The following DZIP1 variants were observed in gnomAD, a reference collection of about 807,000 sequenced individuals.
The protein encoded by DZIP1 is DAZ interacting zinc finger protein 1.
DZIP1 carries 97 observed loss-of-function variants against 107.6 expected under a neutral mutation model. The observed-to-expected ratio is 0.90, with a 90% CI of 0.77 to 1.07. The LOEUF (loss-of-function observed/expected upper bound fraction) is 1.07. Ranked by LOEUF, DZIP1 falls within the 50% of genes least tolerant of loss-of-function variation. The pLI is 0.00. For synonymous variants in DZIP1, 390 were observed against 386.4 expected (o/e 1.01, Z -0.11); for missense variants, 1,035 against 1,063.6 (o/e 0.97, Z 0.37).
chr13:95,595,889 G>A (rs993070706), intron 15 of DZIP1, among the ~76,000 whole-genome samples: 2 of 152,190 alleles, frequency 1.3e-5, no homozygotes, highest in Admixed American at 1.3e-4. Context: ...TAGAAGAGCT[G>A]TAAAGCCTTT....
intron 20 of DZIP1, among the ~76,000 whole-genome samples, chr13:95,586,437 CA>C (rs1175503450): frequency 1.3e-5 from 2 of 152,028 alleles, no homozygotes; most frequent in Non-Finnish European, 2.9e-5. Flanking sequence ...CGGGCTCAAG[CA>C]ATCCTCCTGC....
chr13:95,633,678 CAAAAAAAAA>C (rs567298033), intron 5 of DZIP1, among the ~76,000 whole-genome samples: 3 of 71,180 alleles, frequency 4.2e-5, no homozygotes, highest in Non-Finnish European at 5.8e-5. Flanking sequence ...GACTCCATCT[CAAAAAAAAA>C]AAAAAAAAAA....
intron 13 of DZIP1, among the ~76,000 whole-genome samples, chr13:95,607,715 A>G (rs897234415): frequency 7.2e-5 from 11 of 152,210 alleles, no homozygotes; most frequent in Admixed American, 5.2e-4. Context: ...CCTGATCTAG[A>G]TATTTTTCCA....
At chr13:95,608,754 G>A (rs908418986) in intron 13 of DZIP1, among the ~76,000 whole-genome samples, 24 of 152,020 alleles carry the variant, frequency 1.6e-4, no homozygotes, top group African/African-American at 4.8e-4. Flanking sequence ...TCCAAAACAC[G>A]CTCAAGAACG....
rs1227188352 is a variant in DZIP1 at position 95,579,436 on chromosome 13, A to G, written c.*2798T>C. Reference sequence around the variant, plus strand: ...CTCACAGCCATCCTAGGAGATACATATTGTTTTCATCCTGCATTTACAGAA... The same window carrying G: ...CTCACAGCCATCCTAGGAGATACATGTTGTTTTCATCCTGCATTTACAGAA... On this transcript the variant is annotated 3_prime_UTR_variant, in exon 23 of 23. Transcript: ENST00000376829. 6.6e-6 allele frequency: 1 copy of G among 152,226 alleles called. No individual in the cohort carries two copies. Among genetic ancestry groups the G allele is most frequent in the Admixed American group, 6.5e-5 (1 of 15,272 alleles). The allele number at this position is 152,226 out of a possible 1,614,324, so 9.4% of individuals were successfully genotyped here.
intron 15 of DZIP1, among the ~76,000 whole-genome samples, chr13:95,597,909 G>C (rs1331724783): frequency 1.3e-5 from 2 of 152,184 alleles, no homozygotes; most frequent in Admixed American, 1.3e-4. Flanking sequence ...AGCGTCTGTG[G>C]AATCGATTCA....
chr13:95,637,769 G>A (rs746779874), intron 5 of DZIP1, among the ~76,000 whole-genome samples: 2 of 152,078 alleles, frequency 1.3e-5, no homozygotes, highest in South Asian at 4.1e-4. Flanking sequence ...CCAGCCTCCA[G>A]AACTGTGAGA....
At chr13:95,633,373 CTT>C (rs753997750) in intron 5 of DZIP1, 52 bp from the exon 6 acceptor site, 2 of 1,499,454 alleles carry the variant, frequency 1.3e-6, no homozygotes, top group Non-Finnish European at 1.9e-6. Context: ...TGTCGTCCCA[CTT>C]AATTGCAATT....
At chr13:95,592,957 G>A (rs2044351851) in intron 16 of DZIP1, among the ~76,000 whole-genome samples, 1 of 152,178 alleles carries the variant, frequency 6.6e-6, no homozygotes, top group African/African-American at 2.4e-5. Flanking sequence ...TGGGAAGTAG[G>A]GGGTGATACT....
chr13:95,608,978 AAAGATTATGTCCTTTT>A (rs1321509512), intron 13 of DZIP1, among the ~76,000 whole-genome samples: 3 of 152,218 alleles, frequency 2.0e-5, no homozygotes, highest in Admixed American at 6.5e-5. Flanking sequence ...TCTCAACTGT[AAAGATTATGTCCTTTT>A]GTTTTACTGC....
chr13:95,609,024 G>C (rs951635386), intron 13 of DZIP1, among the ~76,000 whole-genome samples: 1 of 152,228 alleles, frequency 6.6e-6, no homozygotes, highest in Non-Finnish European at 1.5e-5. Flanking sequence ...ACAGCTCCGG[G>C]AGATAGAGCA....
chr13:95,594,007 CT>C lies in DZIP1; in HGVS notation c.1616del (p.Lys539ArgfsTer3), dbSNP rs1286630257. The stretch of plus-strand genomic sequence containing the variant: ...TCTGCTCCACCATTGTTCTTAGTCC[CT>C]TAGTGAGGGAGGAGTTACTCTTCAA... ...KALKSNSSLTKGLRTMVEQNL... is the reference protein window; with the variant it reads ...KALKSNSSLTXGLRTMVEQNL... On this transcript the variant is annotated frameshift_variant, in exon 16 of 23. Transcript: ENST00000376829. LOFTEE classifies it high-confidence loss of function. The C allele has an allele frequency of 1.6e-5, 26 of 1,612,384 alleles. No homozygotes were observed. Among genetic ancestry groups the C allele is most frequent in the Non-Finnish European group, 2.2e-5 (26 of 1,179,388 alleles).
chr13:95,619,961 A>G lies in DZIP1; in HGVS notation c.1111-14T>C. On this transcript the variant is annotated splice_polypyrimidine_tract_variant and intron_variant, in intron 9 of 22. Transcript: ENST00000376829. Reference sequence around the variant, plus strand: ...CCATTTGCTTTCCTACAAAAGAATAAAAGAATAATTTATGTACAACTGTAA... The same window carrying G: ...CCATTTGCTTTCCTACAAAAGAATAGAAGAATAATTTATGTACAACTGTAA... 6.2e-7 allele frequency: 1 copy of G among 1,613,046 alleles called. No homozygotes were observed. Among genetic ancestry groups the G allele is most frequent in the Non-Finnish European group, 8.5e-7 (1 of 1,179,622 alleles).
At chr13:95,617,070 T>A (rs542929190) in intron 10 of DZIP1, among the ~76,000 whole-genome samples, 1 of 152,096 alleles carries the variant, frequency 6.6e-6, no homozygotes, top group South Asian at 2.1e-4. Context: ...TAGCTCAGCA[T>A]GGTGGCACGT....
intron 7 of DZIP1, among the ~76,000 whole-genome samples, chr13:95,628,097 C>T (rs148772855): frequency 4.7e-4 from 71 of 152,016 alleles, no homozygotes; most frequent in Middle Eastern, 3.4e-3. Context: ...TGGGGTGCAG[C>T]GGTGTGAACA....
chr13:95,621,781 G>C (rs1420928146), intron 9 of DZIP1, among the ~76,000 whole-genome samples: 1 of 150,528 alleles, frequency 6.6e-6, no homozygotes, highest in Non-Finnish European at 1.5e-5. Flanking sequence ...GCAATGGCGT[G>C]ATCTCAGCTC....
chr13:95,604,012 G>A (rs1227830544), intron 14 of DZIP1, among the ~76,000 whole-genome samples: 1 of 152,208 alleles, frequency 6.6e-6, no homozygotes, highest in African/African-American at 2.4e-5. Context: ...GCCCACCCCT[G>A]CCTCAGTGGA....
At chr13:95,583,179 C>A (rs2044057212) in intron 22 of DZIP1, among the ~76,000 whole-genome samples, 1 of 151,084 alleles carries the variant, frequency 6.6e-6, no homozygotes, top group Non-Finnish European at 1.5e-5. Context: ...GTAATCCCAA[C>A]AGTTTGGGAG....
Position 95,641,364 on chromosome 13 carries a change from C to T in DZIP1, c.528G>A (p.Glu176=). 3 of 1,614,086 alleles carry T rather than the reference C, an allele frequency of 1.9e-6. No individual in the cohort carries two copies. The highest frequency in any genetic ancestry group is 1.7e-6 in the Non-Finnish European group (2 of 1,179,956). Residue 176 remains glutamate, a synonymous_variant, in exon 5 of 23, where the codon GAG becomes GAA. Transcript: ENST00000376829. This position sits in a 1 kb window ranked among gnomAD's most constrained non-coding sequence, Gnocchi z 4.3. ...AGATCATCTTCTTCCGGCGTTTGCA[C>T]TCTTCCTTGAGCGTCTTGATCTCCC... The part of the protein sequence containing the change: ...QAGEIKTLKE[E]CKRRKKMIST...
Sources: allele counts gnomAD v4.1 joint callset (sites outside exome capture counted in the v4.1 genomes callset), GRCh38; gene constraint gnomAD v4.1.1; non-coding constraint Gnocchi (gnomAD v3.1); transcripts MANE v1.5; gene names NCBI Gene and HGNC (gene_info 2026-07-23, HGNC 2026-07-21).